Variants in ADGRV1 observed in about 807,000 individuals in gnomAD.
The protein encoded by ADGRV1 is adhesion G protein-coupled receptor V1, also known as G-protein coupled receptor 98.
A neutral mutation model predicts 596.2 loss-of-function variants in ADGRV1; 359 were observed. The observed-to-expected ratio is 0.60, with a 90% CI of 0.55 to 0.66. ADGRV1 has a LOEUF of 0.66. Among genes scored for constraint, ADGRV1 ranks in the 30% least tolerant of loss-of-function variants. ADGRV1 has a pLI of 0.00. For synonymous variants in ADGRV1, 2,681 were observed against 2,679.2 expected (o/e 1.00, Z -0.02); for missense variants, 7,274 against 7,575.6 (o/e 0.96, Z 1.48).
At chr5:91,098,463 T>C (rs954815248) in intron 86 of ADGRV1, among the ~76,000 whole-genome samples, 1 of 152,200 alleles carries the variant, frequency 6.6e-6, no homozygotes, top group Admixed American at 6.5e-5. Flanking sequence ...TTTGTAACTT[T>C]TGTTTTTTAA....
At position 90,675,322 on chromosome 5, in the gene ADGRV1, C is replaced by T. The variant is rs1413369778; in HGVS notation, c.5190C>T (p.Ile1730=). 6.2e-7 allele frequency: 1 copy of T among 1,613,692 alleles called. No homozygotes were observed. Among genetic ancestry groups the T allele is most frequent in the Non-Finnish European group, 8.5e-7 (1 of 1,179,692 alleles). The change falls in exon 24 of 90, where the codon ATC becomes ATT. Residue 1730 remains isoleucine, a synonymous_variant. Coordinates refer to ENST00000405460, the MANE Select transcript of ADGRV1 (RefSeq NM_032119.4). ...TGCCTGCAAGCAGCGTTCCACATAT[C>T]ACTGTGGAGGAGGAAGATGGAGAAA... is the stretch of plus-strand genomic sequence containing the variant. ...MTLPASSVPH[I]TVEEEDGEIR...
chr5:90,614,984 A>G lies in ADGRV1; in HGVS notation c.172A>G (p.Ile58Val). ...TTVIRLIIER[I>V]GEPANVTAIV... is the part of the protein sequence containing the mutation. ...AGTTATTCGTCTTATCATTGAAAGG[A>G]TAGGAGAGCCAGCAAATGTTACTGC... The change falls in exon 2 of 90, where the codon ATA becomes GTA. Residue 58 changes from isoleucine (I) to valine (V), a missense_variant. By Grantham distance (29) the Ile-to-Val change is conservative. Transcript: ENST00000405460. 4 of 1,516,916 alleles carry G rather than the reference A, an allele frequency of 2.6e-6. No individual in the cohort carries two copies. Among genetic ancestry groups the G allele is most frequent in the Non-Finnish European group, 2.7e-6 (3 of 1,127,276 alleles). The allele number at this position is 1,516,916 out of a possible 1,614,324, so 94.0% of individuals were successfully genotyped here. A position where few individuals can be genotyped will look rare whatever the true frequency, so the allele number is the denominator to read the frequency against.
chr5:91,097,947 A>G (rs1438830581), intron 86 of ADGRV1, among the ~76,000 whole-genome samples: 1 of 152,016 alleles, frequency 6.6e-6, no homozygotes, highest in Non-Finnish European at 1.5e-5. Context: ...GGAGTCCTTT[A>G]TTTTATATAG....
chr5:90,892,729 G>A (rs1309309591), intron 83 of ADGRV1, among the ~76,000 whole-genome samples: 1 of 152,022 alleles, frequency 6.6e-6, no homozygotes, highest in African/African-American at 2.4e-5. Flanking sequence ...GTATATTCTT[G>A]AATTATATAT....
At chr5:90,979,375 G>T (rs1779901125) in intron 84 of ADGRV1, among the ~76,000 whole-genome samples, 1 of 151,998 alleles carries the variant, frequency 6.6e-6, no homozygotes, top group Admixed American at 6.6e-5. Context: ...TCCCTATGTT[G>T]CCCAGGCTGA....
intron 74 of ADGRV1, among the ~76,000 whole-genome samples, chr5:90,812,936 C>G (rs916510954): frequency 4.0e-5 from 6 of 151,350 alleles, no homozygotes; most frequent in African/African-American, 1.5e-4. Context: ...TCGAGACCAT[C>G]CTGACTAACA....
chr5:90,627,177 T>C, intron 6 of ADGRV1, 34 bp from the exon 7 acceptor site: 1 of 1,232,446 alleles, frequency 8.1e-7, no homozygotes, highest in South Asian at 1.8e-5. Flanking sequence ...TTTTGGCTGT[T>C]GATGTTTTGC....
At chr5:90,888,207 T>G (rs1238201732) in intron 83 of ADGRV1, among the ~76,000 whole-genome samples, 2 of 152,186 alleles carry the variant, frequency 1.3e-5, no homozygotes, top group African/African-American at 4.8e-5. Context: ...AGAGTAGCAT[T>G]AAATAATGTT....
At chr5:90,575,410 G>T (rs956603732) in intron 1 of ADGRV1, among the ~76,000 whole-genome samples, 1 of 151,846 alleles carries the variant, frequency 6.6e-6, no homozygotes, top group African/African-American at 2.4e-5. Flanking sequence ...TATGCATCAC[G>T]CCCAGCTAAT....
At chr5:90,791,650 T>C in intron 70 of ADGRV1, 1 of 307,578 alleles carries the variant, frequency 3.3e-6, no homozygotes, top group Non-Finnish European at 6.0e-6. Flanking sequence ...TGGACATGTG[T>C]ATGCACACGC....
At chr5:90,754,921 C>T in intron 54 of ADGRV1, 62 bp from the exon 55 acceptor site, 1 of 1,200,532 alleles carries the variant, frequency 8.3e-7, no homozygotes, top group Non-Finnish European at 1.2e-6. Flanking sequence ...ACTCTAGGTC[C>T]TTGTAACAGC....
intron 83 of ADGRV1, among the ~76,000 whole-genome samples, chr5:90,924,665 T>G (rs1172862141): frequency 2.0e-5 from 3 of 152,126 alleles, no homozygotes; most frequent in Admixed American, 6.5e-5. Context: ...TTTTGTCTTT[T>G]GTTGCCATTG....
At chr5:90,644,493 T>G (rs988913729) in intron 14 of ADGRV1, among the ~76,000 whole-genome samples, 1 of 152,168 alleles carries the variant, frequency 6.6e-6, no homozygotes, top group Non-Finnish European at 1.5e-5. Flanking sequence ...TAGAAAAAAA[T>G]GAGTCCATTT....
chr5:90,661,483 C>T (rs976253547), intron 21 of ADGRV1, among the ~76,000 whole-genome samples: 6 of 152,100 alleles, frequency 3.9e-5, no homozygotes, highest in Non-Finnish European at 8.8e-5. Context: ...CCGATATCAC[C>T]AATCATCACC....
intron 27 of ADGRV1, 82 bp from the exon 28 acceptor site, chr5:90,683,504 C>T (rs1046893523): frequency 1.8e-6 from 2 of 1,093,258 alleles, no homozygotes; most frequent in Non-Finnish European, 1.3e-6. Context: ...AATTGTGCTG[C>T]TATCATTAAT....
intron 85 of ADGRV1, among the ~76,000 whole-genome samples, chr5:91,058,112 C>G (rs1043183608): frequency 3.9e-5 from 6 of 152,184 alleles, no homozygotes; most frequent in African/African-American, 1.4e-4. Context: ...TCCATGGAGT[C>G]TGACTTACGC....
Position 90,668,935 on chromosome 5 carries a change from C to T in ADGRV1, c.4753-3611C>T, listed in dbSNP as rs181817519. ...AATGCTATGTGCTAATGCTTACTGA[C>T]TTGATAAAAATTTAAGTTTGTAAAA... On this transcript the variant is annotated intron_variant, in intron 21 of 89. Transcript: ENST00000405460. Among the ~76,000 whole-genome samples the T allele has an allele frequency of 6.5e-3, 991 of 152,192 alleles. 9 individuals are homozygous for T. The highest frequency in any genetic ancestry group is 0.022 in the African/African-American group (911 of 41,520).
At chr5:91,135,890 G>T (rs1371647951) in intron 87 of ADGRV1, among the ~76,000 whole-genome samples, 1 of 152,160 alleles carries the variant, frequency 6.6e-6, no homozygotes, top group Non-Finnish European at 1.5e-5. Context: ...GGAGGCCAGA[G>T]AAGCATCTCC....
In ADGRV1 at chr5:91,060,027, T is replaced by TA. The variant is rs1480964979; in HGVS notation, c.18153-12414dup. On this transcript the variant is annotated intron_variant, in intron 85 of 89. Coordinates refer to ENST00000405460, the MANE Select transcript of ADGRV1 (RefSeq NM_032119.4). The stretch of plus-strand genomic sequence containing the variant: ...CAACGTCCTTACATATTTATTCAAT[T>TA]AAAAAATTAGGATACCAGGATTGAA... 5.9e-5 allele frequency among the ~76,000 whole-genome samples: 9 copies of TA among 152,128 alleles called. No homozygotes were observed. In the East Asian group the frequency reaches 1.7e-3, roughly 29 times the overall value.
Sources: allele counts gnomAD v4.1 joint callset (sites outside exome capture counted in the v4.1 genomes callset), GRCh38; gene constraint gnomAD v4.1.1; transcripts MANE v1.5; gene names NCBI Gene and HGNC (gene_info 2026-07-23, HGNC 2026-07-21).